The following STAG1 variants were observed in gnomAD, a reference collection of about 807,000 sequenced individuals.
STAG1 encodes STAG1 cohesin complex component, also known as cohesin subunit SA-1.
A neutral mutation model predicts 170.9 loss-of-function variants in STAG1; 26 were observed. The ratio of observed to expected loss-of-function variants is 0.15; its 90% CI spans 0.11 to 0.21. The LOEUF is 0.21. Ranked by LOEUF, STAG1 falls within the 10% of genes least tolerant of loss-of-function variation. STAG1 has a pLI of 1.00. For synonymous variants in STAG1, 514 were observed against 497.7 expected, an observed-to-expected ratio of 1.03 and a Z score of -0.44; for missense variants, 964 against 1,509.5, an observed-to-expected ratio of 0.64 and a Z score of 5.99.
At chr3:136,723,968 A>G (rs1340132935) in intron 1 of STAG1, among the ~76,000 whole-genome samples, 21 of 137,490 alleles carry the variant, frequency 1.5e-4, no homozygotes, top group East Asian at 1.4e-3. Context: ...CGCCCCGACC[A>G]GGAGGGAGGT....
intron 3 of STAG1, among the ~76,000 whole-genome samples, chr3:136,617,639 A>C (rs1457801831): frequency 1.3e-5 from 2 of 152,222 alleles, no homozygotes; most frequent in African/African-American, 4.8e-5. Flanking sequence ...AGGAGTTATA[A>C]CAGATTGTTA....
At chr3:136,343,502 T>G (rs1489771207) in intron 30 of STAG1, among the ~76,000 whole-genome samples, 2 of 152,238 alleles carry the variant, frequency 1.3e-5, no homozygotes, top group African/African-American at 4.8e-5. Flanking sequence ...ATATAGGCTC[T>G]TACAGGTTTT....
intron 1 of STAG1, among the ~76,000 whole-genome samples, chr3:136,634,528 C>A (rs1940472797): frequency 1.5e-5 from 2 of 135,084 alleles, no homozygotes; most frequent in African/African-American, 2.8e-5. Flanking sequence ...ATAAATGAAA[C>A]AAAAACACAA....
intron 4 of STAG1, among the ~76,000 whole-genome samples, chr3:136,602,099 G>C (rs1938701594): frequency 6.6e-6 from 1 of 152,008 alleles, no homozygotes; most frequent in African/African-American, 2.4e-5. Context: ...AAGGAAGTAA[G>C]GCCGGGCACA....
At chr3:136,672,650 C>T (rs1454990720) in intron 1 of STAG1, among the ~76,000 whole-genome samples, 2 of 152,084 alleles carry the variant, frequency 1.3e-5, no homozygotes, top group Non-Finnish European at 2.9e-5. Context: ...AACTAGAGTA[C>T]TTAGAACATG....
intron 16 of STAG1, among the ~76,000 whole-genome samples, chr3:136,432,754 C>T (rs978175480): frequency 3.9e-5 from 6 of 152,170 alleles, no homozygotes; most frequent in African/African-American, 1.2e-4. Context: ...TAATCCCCCA[C>T]CTAGGCCTCA....
chr3:136,404,458 C>T (rs956151371), intron 21 of STAG1, among the ~76,000 whole-genome samples: 4 of 152,148 alleles, frequency 2.6e-5, no homozygotes, highest in African/African-American at 9.7e-5. Flanking sequence ...CCCATGAAAA[C>T]TTCGGTCCCT....
intron 3 of STAG1, among the ~76,000 whole-genome samples, chr3:136,607,401 TTTG>T (rs1230252393): frequency 1.3e-5 from 2 of 152,150 alleles, no homozygotes; most frequent in African/African-American, 4.8e-5. Flanking sequence ...TACTATTTGT[TTTG>T]TTTTGTTTTC....
At chr3:136,541,663 A>C (rs1935913726) in intron 6 of STAG1, among the ~76,000 whole-genome samples, 1 of 151,798 alleles carries the variant, frequency 6.6e-6, no homozygotes, top group African/African-American at 2.4e-5. Flanking sequence ...GGCTTTTCTT[A>C]ATTAGGATGT....
Position 136,752,323 on chromosome 3 carries a change from C to T in STAG1, c.-212G>A, listed in dbSNP as rs1935306789. On this transcript the variant is annotated 5_prime_UTR_variant, in exon 1 of 34. Transcript: ENST00000383202. Reference sequence around the variant, plus strand: ...GGGGGTTCGGGAGCGGGGGCCGCGCCTTCAACGGAGCTGCAATCCTAACCC... The same window carrying T: ...GGGGGTTCGGGAGCGGGGGCCGCGCTTTCAACGGAGCTGCAATCCTAACCC... The T allele has an allele frequency of 6.5e-6, 1 of 152,910 alleles. No homozygotes were observed. Among genetic ancestry groups the T allele is most frequent in the South Asian group, 2.1e-4 (1 of 4,842 alleles). The allele number at this position is 152,910 out of a possible 1,614,324, so 9.5% of individuals were successfully genotyped here. A position where few individuals can be genotyped will look rare whatever the true frequency, so the allele number is the denominator to read the frequency against.
chr3:136,422,297 G>C, intron 19 of STAG1, 113 bp downstream of exon 19: 2 of 962,076 alleles, frequency 2.1e-6, no homozygotes, highest in Non-Finnish European at 3.1e-6. Context: ...TTTTGGAAGG[G>C]GCAGACAATT....
chr3:136,365,051 G>C (rs1289049505), intron 25 of STAG1, among the ~76,000 whole-genome samples: 1 of 152,142 alleles, frequency 6.6e-6, no homozygotes, highest in Non-Finnish European at 1.5e-5. Context: ...TATATCAGAA[G>C]AGCAAATAGC....
intron 4 of STAG1, among the ~76,000 whole-genome samples, chr3:136,574,247 A>G (rs1247652657): frequency 6.6e-6 from 1 of 151,954 alleles, no homozygotes; most frequent in African/African-American, 2.4e-5. Context: ...GTCCCCCCAA[A>G]AAAAAAACCC....
At chr3:136,495,551 T>C (rs1333768802) in intron 9 of STAG1, among the ~76,000 whole-genome samples, 2 of 152,112 alleles carry the variant, frequency 1.3e-5, no homozygotes, top group Non-Finnish European at 2.9e-5. Context: ...TGTGGTGGCA[T>C]GGATGGCACG....
intron 15 of STAG1, among the ~76,000 whole-genome samples, chr3:136,435,005 T>C (rs2088414123): frequency 6.6e-6 from 1 of 152,198 alleles, no homozygotes; most frequent in Admixed American, 6.5e-5. Context: ...GGTTCAGGCA[T>C]TTTTGGATTC....
intron 1 of STAG1, among the ~76,000 whole-genome samples, chr3:136,683,189 A>G (rs1942397348): frequency 1.3e-5 from 2 of 152,172 alleles, no homozygotes; most frequent in Non-Finnish European, 1.5e-5. Context: ...GTTGCACAAC[A>G]ATGGGAATAT....
At chr3:136,732,335 A>G (rs1337924335) in intron 1 of STAG1, among the ~76,000 whole-genome samples, 1 of 151,394 alleles carries the variant, frequency 6.6e-6, no homozygotes, top group African/African-American at 2.4e-5. Flanking sequence ...TTTTGTCTAG[A>G]GGTAACTTTC....
intron 9 of STAG1, among the ~76,000 whole-genome samples, chr3:136,496,073 G>A (rs1004526499): frequency 1.2e-4 from 18 of 152,028 alleles, no homozygotes; most frequent in African/African-American, 7.3e-5. Flanking sequence ...GGATCTGGGA[G>A]GCAGAGGTTG....
chr3:136,370,048 TTACTATACTATACTA>T (rs71157375), intron 23 of STAG1, among the ~76,000 whole-genome samples: 40,141 of 150,098 alleles, frequency 0.27, 5,457 homozygotes, highest in Non-Finnish European at 0.28. Flanking sequence ...GCGTATGTAT[TTACTATACTATACTA>T]TACTATACTA....
Sources: gnomAD v4.1 joint callset for allele counts (sites outside exome capture counted in the v4.1 genomes callset) on GRCh38, gnomAD v4.1.1 for gene constraint, MANE v1.5 for transcripts, NCBI Gene and HGNC (gene_info 2026-07-23, HGNC 2026-07-21) for gene names.